The following ASB4 variants were observed in gnomAD, a reference collection of about 807,000 sequenced individuals.
ASB4 encodes ankyrin repeat and SOCS box containing 4.
ASB4 carries 35 observed loss-of-function variants against 38.6 expected under a neutral mutation model. That is an observed-to-expected ratio of 0.91 (90% CI 0.69 to 1.20). The LOEUF (loss-of-function observed/expected upper bound fraction) is 1.20, where lower values mean the gene tolerates loss of function less well. Among genes scored for constraint, ASB4 ranks in the 50% most tolerant of loss-of-function variants. The pLI is 0.00. For synonymous variants in ASB4, 195 were observed against 201.3 expected (o/e 0.97, Z 0.26); for missense variants, 557 against 527.2 (o/e 1.06, Z -0.55).
chr7:95,502,389 TGCGG>T (rs1466326225), intron 2 of ASB4, among the ~76,000 whole-genome samples: 5 of 83,396 alleles, frequency 6.0e-5, no homozygotes, highest in African/African-American at 2.1e-4. Flanking sequence ...GGTACCAGCC[TGCGG>T]GGGGGGGGCA....
downstream of ASB4, among the ~76,000 whole-genome samples, chr7:95,540,434 A>C (rs1174819450): frequency 6.6e-6 from 1 of 152,216 alleles, no homozygotes; most frequent in Non-Finnish European, 1.5e-5. Flanking sequence ...AATACAATGC[A>C]GCCTCTTGCT....
chr7:95,489,950 C>T (rs2116579482), intron 1 of ASB4, among the ~76,000 whole-genome samples: 1 of 152,306 alleles, frequency 6.6e-6, no homozygotes, highest in East Asian at 1.9e-4. Flanking sequence ...ACTTGATCTT[C>T]CTTCAGATGT....
chr7:95,498,528 TA>T (rs1352248153), intron 2 of ASB4, among the ~76,000 whole-genome samples: 7 of 152,210 alleles, frequency 4.6e-5, no homozygotes, highest in African/African-American at 1.7e-4. Context: ...TTTACTCCTT[TA>T]AAGAAATGGG....
Position 95,527,794 on chromosome 7 carries a change from C to A in ASB4, c.488-19C>A. On this transcript the variant is annotated intron_variant, in intron 2 of 4. Coordinates refer to ENST00000325885, the MANE Select transcript of ASB4 (RefSeq NM_016116.3). ...CAAAACATGTTTAAATAATTGTCTT[C>A]CTCAATTTCCCTTTATAGGGGCGAA... 1 of 1,573,798 alleles carries A rather than the reference C, an allele frequency of 6.4e-7. No individual in the cohort carries two copies. Among genetic ancestry groups the A allele is most frequent in the South Asian group, 1.1e-5 (1 of 88,056 alleles).
At chr7:95,492,541 T>C (rs985113645) in intron 1 of ASB4, among the ~76,000 whole-genome samples, 2 of 152,176 alleles carry the variant, frequency 1.3e-5, no homozygotes, top group Non-Finnish European at 2.9e-5. Flanking sequence ...AGTTTTCTCA[T>C]CTGGAAAATG....
chr7:95,520,594 T>A (rs1261246719), intron 2 of ASB4, among the ~76,000 whole-genome samples: 1 of 152,154 alleles, frequency 6.6e-6, no homozygotes, highest in Non-Finnish European at 1.5e-5. Flanking sequence ...ATTTAGCTTT[T>A]CATTTGCTTT....
upstream of ASB4, among the ~76,000 whole-genome samples, chr7:95,475,062 A>G (rs555389469): frequency 2.0e-5 from 3 of 152,134 alleles, no homozygotes; most frequent in Admixed American, 6.5e-5. Context: ...TTTTTTATGT[A>G]TAGTGCCTAG....
At chr7:95,522,321 G>A (rs117333618) in intron 2 of ASB4, among the ~76,000 whole-genome samples, 1,985 of 152,024 alleles carry the variant, frequency 0.013, 60 homozygotes, top group Admixed American at 0.056. Context: ...AATGATGCTC[G>A]TGGTGTTTGA....
At chr7:95,531,421 G>C (rs1055749251) in intron 3 of ASB4, among the ~76,000 whole-genome samples, 8 of 152,184 alleles carry the variant, frequency 5.3e-5, no homozygotes, top group Non-Finnish European at 1.2e-4. Context: ...GATGGACAGG[G>C]ACACAGGGCA....
At chr7:95,485,058 A>T (rs1310285382), upstream of ASB4, among the ~76,000 whole-genome samples, 2 of 124,574 alleles carry the variant, frequency 1.6e-5, no homozygotes, top group African/African-American at 6.4e-5. Flanking sequence ...GTATATATGT[A>T]TATATATGTA....
At chr7:95,507,150 GTTTT>G (rs969344973) in intron 2 of ASB4, among the ~76,000 whole-genome samples, 2 of 151,772 alleles carry the variant, frequency 1.3e-5, no homozygotes, top group Admixed American at 6.6e-5. Context: ...TTGTTTGTTT[GTTTT>G]TTTGCTGCAG....
chr7:95,549,593 G>A, the ASB4 span, among the ~76,000 whole-genome samples: 1 of 152,060 alleles, frequency 6.6e-6, no homozygotes, highest in East Asian at 1.9e-4. Context: ...CACCGCGCCC[G>A]GCCGAGACTC....
At chr7:95,499,648 G>A (rs549415354) in intron 2 of ASB4, among the ~76,000 whole-genome samples, 2 of 152,220 alleles carry the variant, frequency 1.3e-5, no homozygotes. Context: ...AAGAAGTGAG[G>A]CTGCAGAAGT....
intron 2 of ASB4, among the ~76,000 whole-genome samples, chr7:95,514,193 C>T (rs528666194): frequency 9.7e-4 from 147 of 152,274 alleles, no homozygotes; most frequent in African/African-American, 3.1e-3. Context: ...CCTCTCTTAA[C>T]GTCATTTCTT....
intron 2 of ASB4, among the ~76,000 whole-genome samples, chr7:95,521,283 C>G (rs1235617604): frequency 6.6e-6 from 1 of 152,002 alleles, no homozygotes; most frequent in Non-Finnish European, 1.5e-5. Context: ...GAAAAATGGG[C>G]AGAAGCTATG....
downstream of ASB4, among the ~76,000 whole-genome samples, chr7:95,540,901 T>G (rs1010868671): frequency 1.3e-5 from 2 of 152,210 alleles, no homozygotes; most frequent in South Asian, 2.1e-4. Context: ...TGCAGTGGGT[T>G]ATCAATGTTG....
At position 95,528,089 on chromosome 7, in the gene ASB4, C is replaced by G. The variant is rs367544749; in HGVS notation, c.764C>G (p.Pro255Arg). The change falls in exon 3 of 5, where the codon CCC (proline) becomes CGC (arginine). Residue 255 changes from proline (P) to arginine (R), a missense_variant. Transcript: ENST00000325885. ...GCCCGAGATGACGACTTTAAATCTC[C>G]CCTCCACAAGGCAGCCTGGAACTGT... ...VNARDDDFKS[P>R]LHKAAWNCDH... is the part of the protein sequence containing the mutation. The G allele has an allele frequency of 2.9e-5, 47 of 1,614,180 alleles. No individual in the cohort carries two copies. The highest frequency in any genetic ancestry group is 4.0e-5 in the African/African-American group (3 of 75,040).
intron 2 of ASB4, among the ~76,000 whole-genome samples, chr7:95,520,355 T>G (rs1790643752): frequency 6.6e-6 from 1 of 152,156 alleles, no homozygotes; most frequent in Admixed American, 6.6e-5. Context: ...CAATTAACAC[T>G]CTGTCTACAA....
intron 2 of ASB4, among the ~76,000 whole-genome samples, chr7:95,513,462 C>G (rs1414692910): frequency 1.3e-5 from 2 of 151,726 alleles, no homozygotes; most frequent in Non-Finnish European, 2.9e-5. Context: ...GTTGCCAGAG[C>G]CCTTCCTTGC....
Sources: allele counts gnomAD v4.1 joint callset (sites outside exome capture counted in the v4.1 genomes callset), GRCh38; gene constraint gnomAD v4.1.1; transcripts MANE v1.5; gene names NCBI Gene and HGNC (gene_info 2026-07-23, HGNC 2026-07-21).